Variants in ASXL3 observed in about 807,000 individuals in gnomAD.
ASXL3 encodes the protein ASXL transcriptional regulator 3.
Under a neutral mutation model 170.6 loss-of-function variants are expected in ASXL3, and 34 were observed. That is an observed-to-expected ratio of 0.20 (90% confidence interval 0.15 to 0.27). The LOEUF is 0.27. ASXL3 is among the 10% of genes least tolerant of loss of function. The probability of loss-of-function intolerance (pLI) is 1.00; values close to 1 mark genes in which losing one functional copy is unlikely to be tolerated. For synonymous variants in ASXL3, 1,002 were observed against 989.1 expected (o/e 1.01, Z -0.24); for missense variants, 2,592 against 2,695.3 (o/e 0.96, Z 0.85).
At chr18:33,742,570 G>T (rs1472770683) in intron 11 of ASXL3, among the ~76,000 whole-genome samples, 2 of 152,044 alleles carry the variant, frequency 1.3e-5, no homozygotes. Flanking sequence ...TTTCTTTTTA[G>T]CCTACTACAC....
rs190306969 is a variant in ASXL3 at position 33,646,946 on chromosome 18, A to C, written c.355+593A>C. On this transcript the variant is annotated intron_variant, in intron 4 of 11. Coordinates refer to ENST00000269197, the MANE Select transcript of ASXL3 (RefSeq NM_030632.3). ...AACTTATTTTTGTCTTCCTTAAGAC[A>C]ATTATATTGTGATCCTTTCGGTGTA... Among the ~76,000 whole-genome samples, 1,199 of 150,738 alleles carry C rather than the reference A, an allele frequency of 8.0e-3. 9 individuals carry two copies. Among genetic ancestry groups the C allele is most frequent in the South Asian group, 0.03 (143 of 4,752 alleles).
intron 7 of ASXL3, 113 bp from the exon 8 acceptor site, chr18:33,683,292 C>A: frequency 1.1e-6 from 1 of 907,898 alleles, no homozygotes; most frequent in African/African-American, 1.7e-5. Context: ...TAGAAGTAAA[C>A]ATAAAATTGA....
At chr18:33,677,264 A>C (rs1431698641) in intron 7 of ASXL3, among the ~76,000 whole-genome samples, 1 of 152,202 alleles carries the variant, frequency 6.6e-6, no homozygotes, top group South Asian at 2.1e-4. Flanking sequence ...TATAAAAATA[A>C]AGTTTGAATA....
chr18:33,620,631 A>T (rs1020504288), intron 2 of ASXL3, among the ~76,000 whole-genome samples: 33 of 152,178 alleles, frequency 2.2e-4, no homozygotes, highest in African/African-American at 8.0e-4. Context: ...ACTAAAAGTC[A>T]TCCAATTATA....
At chr18:33,698,960 A>G (rs183550513) in intron 8 of ASXL3, among the ~76,000 whole-genome samples, 213 of 152,272 alleles carry the variant, frequency 1.4e-3, no homozygotes, top group African/African-American at 4.9e-3. Flanking sequence ...TGCTATAGGG[A>G]AAGTTGCTTC....
intron 2 of ASXL3, among the ~76,000 whole-genome samples, chr18:33,610,412 T>C (rs1232792531): frequency 1.3e-5 from 2 of 151,976 alleles, no homozygotes; most frequent in Non-Finnish European, 2.9e-5. Flanking sequence ...GTTTTAATGG[T>C]CCTCCCCCAA....
intron 2 of ASXL3, among the ~76,000 whole-genome samples, chr18:33,633,611 A>AG (rs1469002529): frequency 2.0e-5 from 3 of 152,080 alleles, no homozygotes; most frequent in Admixed American, 6.6e-5. Flanking sequence ...TGGGAGGCCA[A>AG]GGGGGGTGGA....
rs1447525510 is a variant in ASXL3, at chr18:33,743,625, T to C, written c.3777T>C (p.Asp1259=). The C allele has an allele frequency of 6.2e-7, 1 of 1,613,634 alleles. No individual in the cohort carries two copies. Among genetic ancestry groups the C allele is most frequent in the South Asian group, 1.1e-5 (1 of 91,084 alleles). ...AACATCCCTTTGTGAGTTCTGTTGA[T>C]AAATCCTCTGTCCTAATGTCTGTTG... is the stretch of plus-strand genomic sequence containing the variant. ...IKEHPFVSSV[D]KSSVLMSVDS... Residue 1259 remains aspartate, a synonymous_variant, in exon 12 of 12, where the codon GAT becomes GAC. Coordinates refer to ENST00000269197, the MANE Select transcript of ASXL3 (RefSeq NM_030632.3).
intron 10 of ASXL3, among the ~76,000 whole-genome samples, chr18:33,735,649 A>C (rs1161216445): frequency 6.6e-6 from 1 of 152,154 alleles, no homozygotes; most frequent in Non-Finnish European, 1.5e-5. Flanking sequence ...GGAGGATAAG[A>C]TTAAAGACCA....
intron 4 of ASXL3, among the ~76,000 whole-genome samples, chr18:33,647,154 A>G (rs1390281274): frequency 6.6e-6 from 1 of 152,050 alleles, no homozygotes; most frequent in African/African-American, 2.4e-5. Context: ...GACAAACCTT[A>G]AAGGATGTTT....
intron 2 of ASXL3, among the ~76,000 whole-genome samples, chr18:33,634,223 A>G (rs2065731465): frequency 1.3e-5 from 2 of 152,200 alleles, no homozygotes; most frequent in South Asian, 4.1e-4. Context: ...CATTGTGAGG[A>G]AGAAAATAAT....
chr18:33,716,518 G>A (rs117751294), intron 8 of ASXL3, among the ~76,000 whole-genome samples: 1,657 of 152,216 alleles, frequency 0.011, 27 homozygotes, highest in Middle Eastern at 0.02. Context: ...TAGGTGTTTC[G>A]AAAGTCAGAT....
At chr18:33,662,836 T>A (rs1210209461) in intron 5 of ASXL3, among the ~76,000 whole-genome samples, 1 of 152,190 alleles carries the variant, frequency 6.6e-6, no homozygotes, top group Non-Finnish European at 1.5e-5. Flanking sequence ...AGAGTTTTTT[T>A]AAGTTCCACC....
At chr18:33,667,645 ACTTC>A (rs1291915144) in intron 5 of ASXL3, among the ~76,000 whole-genome samples, 1 of 152,022 alleles carries the variant, frequency 6.6e-6, no homozygotes, top group Non-Finnish European at 1.5e-5. Flanking sequence ...TTTATGTCTC[ACTTC>A]CTTTGTTGCC....
At chr18:33,738,239 C>T (rs529880705) in intron 10 of ASXL3, among the ~76,000 whole-genome samples, 5 of 151,968 alleles carry the variant, frequency 3.3e-5, no homozygotes, top group African/African-American at 9.7e-5. Flanking sequence ...TGGTAAGGCT[C>T]CTATCTCCTT....
rs563710137 is a variant in ASXL3, at chr18:33,718,425, A to C, written c.880-13543A>C. Among the ~76,000 whole-genome samples, 26 of 152,246 alleles carry C rather than the reference A, an allele frequency of 1.7e-4. No homozygotes were observed. In the South Asian group the frequency reaches 5.4e-3, roughly 32 times the overall value. On this transcript the variant is annotated intron_variant, in intron 8 of 11. Coordinates refer to ENST00000269197, the MANE Select transcript of ASXL3 (RefSeq NM_030632.3). ...TGTAACAAATTACCACAAATCTATC[A>C]GCTTAAAGTAGCATGCAGTTATTAT... is the stretch of plus-strand genomic sequence containing the variant.
intron 7 of ASXL3, among the ~76,000 whole-genome samples, chr18:33,677,191 A>T (rs2066443129): frequency 6.6e-6 from 1 of 152,174 alleles, no homozygotes; most frequent in Non-Finnish European, 1.5e-5. Flanking sequence ...TTTGGAGTGA[A>T]GAATTATAGC....
chr18:33,583,647 G>T (rs982322831), intron 1 of ASXL3, among the ~76,000 whole-genome samples: 1 of 151,992 alleles, frequency 6.6e-6, no homozygotes, highest in Non-Finnish European at 1.5e-5. Context: ...ATTTCCTGCC[G>T]ACATTAAGTT....
chr18:33,713,256 T>TG lies in ASXL3; in HGVS notation c.880-18712_880-18711insG, dbSNP rs1568343525. On this transcript the variant is annotated intron_variant, in intron 8 of 11. Coordinates refer to ENST00000269197, the MANE Select transcript of ASXL3 (RefSeq NM_030632.3). ...TTTTTTTGTTTTGTTTTGTTTTTTT[T>TG]TTTTTTTTTTTTTTTTTTGAGACAG... 1.7e-3 allele frequency among the ~76,000 whole-genome samples: 195 copies of TG among 113,142 alleles called. 4 individuals carry two copies. The highest frequency in any genetic ancestry group is 5.9e-3 in the African/African-American group (170 of 28,992). The allele number at this position is 113,142 out of a possible 152,430, so 74.2% of individuals were successfully genotyped here.
Sources: allele counts gnomAD v4.1 joint callset (sites outside exome capture counted in the v4.1 genomes callset), GRCh38; gene constraint gnomAD v4.1.1; transcripts MANE v1.5; gene names NCBI Gene and HGNC (gene_info 2026-07-23, HGNC 2026-07-21).